The following LOC128462377 variants were observed in gnomAD, a reference collection of about 807,000 sequenced individuals.
chr16:89,381,354 A>AAAAAAAAAAAAAAAAG, the LOC128462377 span, among the ~76,000 whole-genome samples: 10 of 125,344 alleles, frequency 8.0e-5, no homozygotes, highest in African/African-American at 3.3e-4. Flanking sequence ...AAAAAAAAAA[A>AAAAAAAAAAAAAAAAG]GGGGTGAGAA....
the LOC128462377 span, among the ~76,000 whole-genome samples, chr16:89,384,879 C>CCTTTTTTTTTTTTTTTTTTTTT: frequency 2.0e-5 from 1 of 49,910 alleles, no homozygotes; most frequent in African/African-American, 7.9e-5. Context: ...AAATAGTTTT[C>CCTTTTTTTTTTTTTTTTTTTTT]TTTTTTTTTT....
the LOC128462377 span, among the ~76,000 whole-genome samples, chr16:89,353,533 A>T: frequency 6.6e-5 from 10 of 150,938 alleles, no homozygotes; most frequent in Non-Finnish European, 1.2e-4. Context: ...GCTGGAGTAC[A>T]GTGGTGCAAT....
At chr16:89,326,861 G>C in the LOC128462377 span, among the ~76,000 whole-genome samples, 204 of 152,322 alleles carry the variant, frequency 1.3e-3, 1 homozygote, top group African/African-American at 4.7e-3. Context: ...TGCCCGCCAG[G>C]GGCTGCTGGT....
the LOC128462377 span, among the ~76,000 whole-genome samples, chr16:89,397,544 G>A: frequency 6.6e-6 from 1 of 152,244 alleles, no homozygotes; most frequent in Non-Finnish European, 1.5e-5. Flanking sequence ...ACGGGGAAGG[G>A]TTGAGCCCAG....
chr16:89,342,335 C>A, the LOC128462377 span, among the ~76,000 whole-genome samples: 1 of 152,256 alleles, frequency 6.6e-6, no homozygotes, highest in African/African-American at 2.4e-5. Context: ...TTGAAGGATG[C>A]AGCCCATTTC....
the LOC128462377 span, among the ~76,000 whole-genome samples, chr16:89,407,303 G>A: frequency 1.3e-5 from 2 of 151,930 alleles, no homozygotes; most frequent in Non-Finnish European, 2.9e-5. Flanking sequence ...GGAACACGGG[G>A]GGAAAAAGAA....
the LOC128462377 span, among the ~76,000 whole-genome samples, chr16:89,407,802 A>G: frequency 6.8e-6 from 1 of 146,580 alleles, no homozygotes; most frequent in African/African-American, 2.5e-5. Context: ...ATGAGCCGTG[A>G]TCCGGCCACT....
At chr16:89,360,603 C>G in the LOC128462377 span, 1 of 152,290 alleles carries the variant, frequency 6.6e-6, no homozygotes, top group East Asian at 1.9e-4. Flanking sequence ...TCGGGAATGA[C>G]AGCATTCTAG....
the LOC128462377 span, among the ~76,000 whole-genome samples, chr16:89,326,323 G>A: frequency 2.0e-5 from 3 of 152,120 alleles, no homozygotes; most frequent in East Asian, 1.9e-4. Flanking sequence ...GGGGTGTCAC[G>A]CACCGTTGCT....
the LOC128462377 span, among the ~76,000 whole-genome samples, chr16:89,404,195 G>A: frequency 1.3e-5 from 2 of 152,194 alleles, no homozygotes; most frequent in Non-Finnish European, 2.9e-5. Context: ...GCCTCAGGCA[G>A]CATGGGGTTG....
the LOC128462377 span, among the ~76,000 whole-genome samples, chr16:89,337,171 G>GT: frequency 6.6e-6 from 1 of 152,012 alleles, no homozygotes; most frequent in African/African-American, 2.4e-5. Context: ...GGGCAACAGA[G>GT]TGAGACCCTG....
chr16:89,329,280 C>T, the LOC128462377 span, among the ~76,000 whole-genome samples: 2 of 152,158 alleles, frequency 1.3e-5, no homozygotes, highest in African/African-American at 2.4e-5. Context: ...GTCTGCAGGG[C>T]GGTCACCCTG....
At chr16:89,383,721 G>A in the LOC128462377 span, among the ~76,000 whole-genome samples, 1 of 151,966 alleles carries the variant, frequency 6.6e-6, no homozygotes, top group Non-Finnish European at 1.5e-5. Context: ...CAACGCAGCA[G>A]ACGTCCAGCC....
chr16:89,384,511 G>T, the LOC128462377 span, among the ~76,000 whole-genome samples: 1 of 148,698 alleles, frequency 6.7e-6, no homozygotes, highest in East Asian at 2.0e-4. Context: ...GACAGGATGG[G>T]ACGACATGGA....
At chr16:89,406,688 G>T in the LOC128462377 span, among the ~76,000 whole-genome samples, 2 of 152,162 alleles carry the variant, frequency 1.3e-5, no homozygotes, top group Non-Finnish European at 2.9e-5. Context: ...CTGCCTGGAG[G>T]AAGGAAGGAC....
the LOC128462377 span, among the ~76,000 whole-genome samples, chr16:89,352,652 T>C: frequency 1.3e-5 from 2 of 152,306 alleles, no homozygotes; most frequent in Non-Finnish European, 1.5e-5. Context: ...GCTCCACTCA[T>C]CAGCACCAAA....
the LOC128462377 span, among the ~76,000 whole-genome samples, chr16:89,399,782 T>C: frequency 7.1e-6 from 1 of 140,742 alleles, no homozygotes; most frequent in Non-Finnish European, 1.5e-5. Flanking sequence ...GCTGTGAACC[T>C]AAAGCTAATA....
the LOC128462377 span, among the ~76,000 whole-genome samples, chr16:89,407,653 T>G: frequency 2.6e-5 from 4 of 151,818 alleles, no homozygotes; most frequent in Non-Finnish European, 4.4e-5. Flanking sequence ...AGACGCCGTC[T>G]CTATCAAACA....
chr16:89,412,698 A>T, the LOC128462377 span: 3 of 152,216 alleles, frequency 2.0e-5, no homozygotes, highest in African/African-American at 7.2e-5. Context: ...CCTCAGATAC[A>T]AAAACATAGA....
Sources: allele counts gnomAD v4.1 joint callset (sites outside exome capture counted in the v4.1 genomes callset), GRCh38; gene constraint gnomAD v4.1.1; transcripts MANE v1.5.